WWOX: variants seen among roughly 807,000 people sequenced by gnomAD.
WWOX encodes the protein WW domain containing oxidoreductase.
A neutral mutation model predicts 46.2 loss-of-function variants in WWOX; 69 were observed. The ratio of observed to expected loss-of-function variants is 1.49; its 90% CI spans 1.23 to 1.82. The LOEUF is 1.82. Among genes scored for constraint, WWOX ranks in the 40% most tolerant of loss-of-function variants. The pLI is 0.00. For synonymous variants in WWOX, 359 were observed against 202.6 expected (o/e 1.77, Z -6.56); for missense variants, 919 against 542.6 (o/e 1.69, Z -6.89).
At chr16:78,770,062 A>G (rs1246644348) in intron 8 of WWOX, among the ~76,000 whole-genome samples, 2 of 151,704 alleles carry the variant, frequency 1.3e-5, no homozygotes, top group Non-Finnish European at 2.9e-5. Flanking sequence ...ATAAAATAAA[A>G]AAGAGTAGGT....
At chr16:78,702,092 C>A (rs9937508) in intron 8 of WWOX, among the ~76,000 whole-genome samples, 20 of 59,496 alleles carry the variant, frequency 3.4e-4, no homozygotes, top group Admixed American at 8.4e-4. Context: ...ATATTTATAT[C>A]TATAAAGTTA....
At chr16:78,279,893 T>C (rs1466579917) in intron 5 of WWOX, among the ~76,000 whole-genome samples, 1 of 152,180 alleles carries the variant, frequency 6.6e-6, no homozygotes, top group Non-Finnish European at 1.5e-5. Context: ...GGGACCCAGG[T>C]GTGAGTGCAT....
chr16:79,008,125 G>T (rs2047225203), intron 8 of WWOX, among the ~76,000 whole-genome samples: 1 of 152,116 alleles, frequency 6.6e-6, no homozygotes, highest in East Asian at 1.9e-4. Flanking sequence ...TCATTTTCTT[G>T]TAACTGTAGG....
chr16:78,544,747 C>G (rs2043984590), intron 8 of WWOX, among the ~76,000 whole-genome samples: 1 of 152,066 alleles, frequency 6.6e-6, no homozygotes, highest in Non-Finnish European at 1.5e-5. Context: ...TGGTTGTGCA[C>G]TCCTGTGGTT....
rs182803852 is a variant in WWOX, at chr16:78,314,872, C to G, written c.517-71988C>G. ...TGGTGAATGGTGTCATTTTGATGTACTGAGCCATCTCAGTTTTTCCAGCAA... is the reference window on the plus strand; with the variant it reads ...TGGTGAATGGTGTCATTTTGATGTAGTGAGCCATCTCAGTTTTTCCAGCAA... On this transcript the variant is annotated intron_variant, in intron 5 of 8. Transcript: ENST00000566780. Among the ~76,000 whole-genome samples the G allele has an allele frequency of 4.6e-5, 7 of 152,052 alleles. No homozygotes were observed. In the East Asian group the frequency reaches 1.4e-3, roughly 30 times the overall value.
intron 8 of WWOX, among the ~76,000 whole-genome samples, chr16:78,774,576 C>A (rs930458247): frequency 9.9e-4 from 151 of 151,864 alleles, no homozygotes; most frequent in African/African-American, 3.5e-3. Context: ...CCCTCCCCCC[C>A]CACACATATG....
chr16:78,441,451 T>G (rs779356314), intron 8 of WWOX, among the ~76,000 whole-genome samples: 1 of 152,148 alleles, frequency 6.6e-6, no homozygotes, highest in Non-Finnish European at 1.5e-5. Flanking sequence ...ACGTAAAAGA[T>G]AAGGCAAGGA....
intron 8 of WWOX, chr16:78,897,902 T>C (rs541186980): frequency 2.6e-5 from 4 of 152,198 alleles, no homozygotes; most frequent in Non-Finnish European, 5.9e-5. Context: ...AGTTTTATTT[T>C]GCATTTTCCT....
At chr16:78,409,046 A>G (rs72796100) in intron 6 of WWOX, among the ~76,000 whole-genome samples, 14,826 of 152,200 alleles carry the variant, frequency 0.097, 1,117 homozygotes, top group African/African-American at 0.2. Context: ...GCTGCTGCTT[A>G]TAGCTCTTGA....
intron 8 of WWOX, among the ~76,000 whole-genome samples, chr16:78,755,654 T>C (rs1051723541): frequency 6.6e-6 from 1 of 152,190 alleles, no homozygotes; most frequent in Non-Finnish European, 1.5e-5. Flanking sequence ...CCTGCCTTGG[T>C]TGGGGAGAGG....
chr16:79,130,549 A>T (rs546728013), intron 8 of WWOX, among the ~76,000 whole-genome samples: 1 of 152,162 alleles, frequency 6.6e-6, no homozygotes, highest in Non-Finnish European at 1.5e-5. Context: ...GAACCTGTAC[A>T]TTCACATCCT....
chr16:79,054,816 A>T (rs959933181), intron 8 of WWOX, among the ~76,000 whole-genome samples: 2 of 152,202 alleles, frequency 1.3e-5, no homozygotes, highest in Non-Finnish European at 2.9e-5. Flanking sequence ...AAAGAGTATG[A>T]CCTTTGTCTC....
intron 4 of WWOX, among the ~76,000 whole-genome samples, chr16:78,144,371 G>A (rs916995775): frequency 1.3e-4 from 18 of 141,018 alleles, no homozygotes; most frequent in African/African-American, 4.5e-4. Flanking sequence ...TTAATAAGCT[G>A]GATAGCCTGA....
chr16:79,201,790 G>A (rs973596366), intron 8 of WWOX, among the ~76,000 whole-genome samples: 48 of 106,074 alleles, frequency 4.5e-4, no homozygotes, highest in Non-Finnish European at 9.0e-4. Flanking sequence ...AAAACAAAAA[G>A]ATAACTAAAT....
intron 8 of WWOX, among the ~76,000 whole-genome samples, chr16:78,658,832 C>T (rs2047140568): frequency 6.6e-6 from 1 of 151,772 alleles, no homozygotes; most frequent in South Asian, 2.1e-4. Flanking sequence ...TGGCTCATGC[C>T]TGTAATCCCA....
intron 8 of WWOX, among the ~76,000 whole-genome samples, chr16:78,745,035 C>G (rs963985771): frequency 1.3e-5 from 2 of 152,108 alleles, no homozygotes; most frequent in Admixed American, 6.6e-5. Flanking sequence ...TCAGTGTTGG[C>G]CAGTGACGCC....
At chr16:78,182,780 G>A (rs570842689) in intron 5 of WWOX, among the ~76,000 whole-genome samples, 49 of 151,890 alleles carry the variant, frequency 3.2e-4, no homozygotes, top group African/African-American at 1.0e-3. Flanking sequence ...GTGAAAGCCC[G>A]TCTCTACTAA....
chr16:79,003,318 GAC>G (rs1233811331), intron 8 of WWOX, among the ~76,000 whole-genome samples: 1 of 152,106 alleles, frequency 6.6e-6, no homozygotes, highest in Admixed American at 6.6e-5. Context: ...GAGGAACGGG[GAC>G]GTGATCTAAC....
intron 8 of WWOX, among the ~76,000 whole-genome samples, chr16:79,019,668 C>T (rs900377160): frequency 3.3e-5 from 5 of 151,856 alleles, no homozygotes; most frequent in African/African-American, 1.2e-4. Context: ...GCAAGGGAGA[C>T]TCCAACCCCG....
Sources: allele counts gnomAD v4.1 joint callset (sites outside exome capture counted in the v4.1 genomes callset), GRCh38; gene constraint gnomAD v4.1.1; transcripts MANE v1.5; gene names NCBI Gene and HGNC (gene_info 2026-07-23, HGNC 2026-07-21).